SCN2A: variants seen among roughly 807,000 people sequenced by gnomAD.
SCN2A encodes sodium voltage-gated channel alpha subunit 2, also known as sodium channel protein type 2 subunit alpha.
A neutral mutation model predicts 188.7 loss-of-function variants in SCN2A; 20 were observed. The ratio of observed to expected loss-of-function variants is 0.11; its 90% CI spans 0.07 to 0.15. The LOEUF is 0.15. SCN2A is among the 10% of genes least tolerant of loss of function. The pLI is 1.00. For missense variants in SCN2A, 1,278 were observed against 2,445.0 expected (o/e 0.52, Z 10.07); for synonymous variants, 804 against 833.1 (o/e 0.97, Z 0.60).
intron 14 of SCN2A, among the ~76,000 whole-genome samples, chr2:165,336,388 G>A (rs1052316680): frequency 1.3e-5 from 2 of 151,798 alleles, no homozygotes; most frequent in African/African-American, 4.8e-5. Flanking sequence ...TCCAATAAAT[G>A]TTATTCATCC....
chr2:165,353,687 G>A (rs948217586), intron 16 of SCN2A, among the ~76,000 whole-genome samples: 3 of 152,066 alleles, frequency 2.0e-5, no homozygotes, highest in African/African-American at 7.2e-5. Context: ...GAGAGAATGT[G>A]GGCAGGAGGC....
chr2:165,342,600 C>A, intron 15 of SCN2A, 131 bp downstream of exon 15: 1 of 932,880 alleles, frequency 1.1e-6, no homozygotes, highest in Non-Finnish European at 1.7e-6. Flanking sequence ...AATTGGATTG[C>A]CATACCACCA....
intron 1 of SCN2A, chr2:165,273,859 G>A (rs1695209497): frequency 6.6e-6 from 1 of 152,058 alleles, no homozygotes; most frequent in African/African-American, 2.4e-5. Context: ...GAATGCAAAT[G>A]GTCACTTTAC....
intron 1 of SCN2A, among the ~76,000 whole-genome samples, chr2:165,265,642 A>C (rs1036264430): frequency 6.7e-6 from 1 of 150,336 alleles, no homozygotes; most frequent in Admixed American, 6.7e-5. Flanking sequence ...TAGTAAAACT[A>C]TAGTTAGGCT....
chr2:165,323,530 G>A, intron 12 of SCN2A, 30 bp downstream of exon 12: 1 of 1,576,818 alleles, frequency 6.3e-7, no homozygotes. Context: ...CAGCTGATGT[G>A]AAGAGAGTTG....
At chr2:165,266,613 A>G (rs181056860) in intron 1 of SCN2A, 1 of 152,154 alleles carries the variant, frequency 6.6e-6, no homozygotes, top group Admixed American at 6.6e-5. Context: ...TGCTTAGATC[A>G]TTTTCTTACT....
At chr2:165,338,350 C>T (rs1388926288) in intron 14 of SCN2A, among the ~76,000 whole-genome samples, 6 of 151,416 alleles carry the variant, frequency 4.0e-5, no homozygotes, top group South Asian at 2.1e-4. Flanking sequence ...AGCTCCGCCT[C>T]CCCGGTTCAC....
chr2:165,350,741 T>C (rs1332075996), intron 16 of SCN2A, among the ~76,000 whole-genome samples: 1 of 150,600 alleles, frequency 6.6e-6, no homozygotes, highest in Non-Finnish European at 1.5e-5. Context: ...AGTGCTGGGA[T>C]TACAGGCGTG....
chr2:165,316,823 C>T (rs1200745890), intron 11 of SCN2A, among the ~76,000 whole-genome samples: 3 of 152,058 alleles, frequency 2.0e-5, no homozygotes, highest in African/African-American at 4.8e-5. Flanking sequence ...AATGAAAAAG[C>T]TATTTTGGAT....
intron 3 of SCN2A, among the ~76,000 whole-genome samples, chr2:165,307,572 T>G (rs1312976900): frequency 6.6e-6 from 1 of 152,156 alleles, no homozygotes; most frequent in Admixed American, 6.5e-5. Flanking sequence ...AGTTGATAAA[T>G]TATTCACTGA....
At chr2:165,304,887 G>C (rs184330443) in intron 3 of SCN2A, among the ~76,000 whole-genome samples, 19 of 152,304 alleles carry the variant, frequency 1.2e-4, no homozygotes, top group Non-Finnish European at 2.1e-4. Flanking sequence ...CATCCTAAGA[G>C]TAATAGAAAG....
rs1468104816 is a variant in SCN2A at position 165,323,355 on chromosome 2, A to G, written c.1871A>G (p.Asn624Ser). ...PHRHGERRHS[N>S]VSQASRASRV... is the part of the protein sequence containing the mutation. ...AGACATGGAGAACGGCGCCACAGCA[A>G]TGTCAGCCAGGCCAGCCGTGCCTCC... The change falls in exon 12 of 27, where the codon AAT (asparagine) becomes AGT (serine). Residue 624 changes from asparagine (N) to serine (S), a missense_variant. Around this residue, in one of 17 missense-constraint regions of SCN2A, gnomAD observed 315 missense variants for 386.6 expected, o/e 0.81. Coordinates refer to ENST00000375437, the MANE Select transcript of SCN2A (RefSeq NM_001040142.2). 3.7e-6 allele frequency: 6 copies of G among 1,614,036 alleles called. No homozygotes were observed. The African/African-American group carries it at 4.0e-5, about 11-fold the overall frequency.
intron 20 of SCN2A, chr2:165,372,590 G>A (rs936775373): frequency 6.6e-6 from 1 of 151,968 alleles, no homozygotes; most frequent in Non-Finnish European, 1.5e-5. Context: ...TTAGTCAACT[G>A]TATGAATAAC....
In SCN2A at chr2:165,367,253, T is replaced by C. The variant is rs1169752627; in HGVS notation, c.3557T>C (p.Ile1186Thr). 3 of 1,614,042 alleles carry C rather than the reference T, an allele frequency of 1.9e-6. No homozygotes were observed. Among genetic ancestry groups the C allele is most frequent in the Non-Finnish European group, 2.5e-6 (3 of 1,180,028 alleles). ...AAGTTCAAGTGTTGTCAGATAAGCATAGAAGAAGGCAAAGGGAAACTCTGG... is the reference window on the plus strand; with the variant it reads ...AAGTTCAAGTGTTGTCAGATAAGCACAGAAGAAGGCAAAGGGAAACTCTGG... ...VRKFKCCQISIEEGKGKLWWN... is the reference protein window; with the variant it reads ...VRKFKCCQISTEEGKGKLWWN... Residue 1186 changes from isoleucine (I) to threonine (T), a missense_variant, in exon 19 of 27, where the codon ATA becomes ACA. By Grantham distance (89) the Ile-to-Thr change is moderately conservative. This residue lies in a region of SCN2A where 228 missense variants were observed against 297.3 expected (regional missense o/e 0.77). Coordinates refer to ENST00000375437, the MANE Select transcript of SCN2A (RefSeq NM_001040142.2).
At chr2:165,381,292 T>C (rs1404748068) in intron 25 of SCN2A, 95 bp downstream of exon 25, 52 of 895,360 alleles carry the variant, frequency 5.8e-5, no homozygotes, top group Non-Finnish European at 8.2e-5. Context: ...TGTGGATTTG[T>C]AACACAAAGT....
intron 13 of SCN2A, among the ~76,000 whole-genome samples, chr2:165,330,493 A>G (rs894650743): frequency 6.6e-6 from 1 of 152,090 alleles, no homozygotes; most frequent in South Asian, 2.1e-4. Context: ...TTTGGTTGAA[A>G]TTCTTCTTGA....
rs6714217 is a variant in SCN2A, at chr2:165,387,327, T to C, written c.4822+311T>C. ...AGTCTTGTACCTGGTCATACTCCTGTGGTATTGACAGTTACTGCTTTGAAT... is the reference window on the plus strand; with the variant it reads ...AGTCTTGTACCTGGTCATACTCCTGCGGTATTGACAGTTACTGCTTTGAAT... On this transcript the variant is annotated intron_variant, in intron 26 of 26. Transcript: ENST00000375437. Among the ~76,000 whole-genome samples, 6,042 of 152,272 alleles carry C rather than the reference T, an allele frequency of 0.04. 387 individuals carry two copies. Among genetic ancestry groups the C allele is most frequent in the African/African-American group, 0.14 (5,609 of 41,542 alleles).
intron 15 of SCN2A, among the ~76,000 whole-genome samples, chr2:165,343,258 C>T (rs1699405520): frequency 6.6e-6 from 1 of 152,140 alleles, no homozygotes; most frequent in Non-Finnish European, 1.5e-5. Context: ...AAGACTTTTT[C>T]ATGAAATCTG....
At chr2:165,307,717 T>A in intron 3 of SCN2A, 131 bp from the exon 4 acceptor site, 1 of 722,224 alleles carries the variant, frequency 1.4e-6, no homozygotes, top group Non-Finnish European at 2.5e-6. Flanking sequence ...AAAAAAAGGG[T>A]CAATAATAGA....
Sources: gnomAD v4.1 joint callset for allele counts (sites outside exome capture counted in the v4.1 genomes callset) on GRCh38, gnomAD v4.1.1 for gene constraint, gnomAD v4.1.1 regional missense constraint, MANE v1.5 for transcripts, NCBI Gene and HGNC (gene_info 2026-07-23, HGNC 2026-07-21) for gene names.